The following EPHA6 variants were observed in gnomAD, a reference collection of about 807,000 sequenced individuals.
The protein encoded by EPHA6 is ephrin type-A receptor 6.
In EPHA6, 50 loss-of-function variants were observed where a neutral mutation model predicts 112.0. That is an observed-to-expected ratio of 0.45 (90% confidence interval 0.36 to 0.56). The LOEUF (loss-of-function observed/expected upper bound fraction) is 0.56. EPHA6 is among the 20% of genes least tolerant of loss of function. The probability of loss-of-function intolerance (pLI) is 0.00; values close to 1 mark genes in which losing one functional copy is unlikely to be tolerated. For synonymous variants in EPHA6, 529 were observed against 490.7 expected (o/e 1.08, Z -1.03); for missense variants, 1,280 against 1,417.4 (o/e 0.90, Z 1.56).
At chr3:97,085,584 T>C (rs2046867780) in intron 3 of EPHA6, among the ~76,000 whole-genome samples, 3 of 152,090 alleles carry the variant, frequency 2.0e-5, no homozygotes, top group Admixed American at 6.6e-5. Flanking sequence ...TATCCTAATA[T>C]AGTGCATTTC....
At chr3:96,893,901 A>G (rs1178546636) in intron 2 of EPHA6, among the ~76,000 whole-genome samples, 1 of 152,210 alleles carries the variant, frequency 6.6e-6, no homozygotes. Context: ...TGGTAAGTCT[A>G]TGAATGCTGA....
chr3:97,144,371 G>A (rs2075986968), intron 3 of EPHA6, among the ~76,000 whole-genome samples: 1 of 150,814 alleles, frequency 6.6e-6, no homozygotes, highest in South Asian at 2.1e-4. Context: ...GATCAATAGG[G>A]CTTATAACAA....
At chr3:97,522,146 A>T (rs1483669596) in intron 10 of EPHA6, among the ~76,000 whole-genome samples, 1 of 151,998 alleles carries the variant, frequency 6.6e-6, no homozygotes, top group Non-Finnish European at 1.5e-5. Flanking sequence ...TCCTTTCCTC[A>T]AGTGATCCTC....
chr3:97,315,059 A>T (rs1226534149), intron 5 of EPHA6, among the ~76,000 whole-genome samples: 1 of 150,714 alleles, frequency 6.6e-6, no homozygotes, highest in African/African-American at 2.5e-5. Context: ...ATCAGTATGG[A>T]TCAGCCTGGC....
chr3:97,333,045 G>T (rs1332877951), intron 5 of EPHA6, among the ~76,000 whole-genome samples: 1 of 151,740 alleles, frequency 6.6e-6, no homozygotes, highest in Non-Finnish European at 1.5e-5. Flanking sequence ...GCTTAAATTG[G>T]GGAAAATTAA....
chr3:97,324,527 T>TTCTTTCTCTCTTTCTC (rs1553746478), intron 5 of EPHA6, among the ~76,000 whole-genome samples: 2 of 142,026 alleles, frequency 1.4e-5, no homozygotes, highest in South Asian at 2.3e-4. Flanking sequence ...CTTTCTTTCT[T>TTCTTTCTCTCTTTCTC]TCTTTCTCTC....
intron 11 of EPHA6, among the ~76,000 whole-genome samples, chr3:97,562,548 G>A (rs2093206452): frequency 6.6e-6 from 1 of 152,172 alleles, no homozygotes; most frequent in Non-Finnish European, 1.5e-5. Flanking sequence ...TACTTCTATG[G>A]ATGAGCAAAG....
At chr3:97,547,450 C>T (rs1265917399) in intron 11 of EPHA6, among the ~76,000 whole-genome samples, 2 of 152,158 alleles carry the variant, frequency 1.3e-5, no homozygotes, top group African/African-American at 4.8e-5. Context: ...GAGTACCCGG[C>T]TGTGTGAGGT....
intron 3 of EPHA6, among the ~76,000 whole-genome samples, chr3:97,004,567 A>G (rs2107917143): frequency 6.6e-6 from 1 of 152,318 alleles, no homozygotes; most frequent in African/African-American, 2.4e-5. Flanking sequence ...TAAACTGCCA[A>G]AATTTTCTCC....
At chr3:97,355,704 G>A (rs1278633158) in intron 5 of EPHA6, among the ~76,000 whole-genome samples, 2 of 152,058 alleles carry the variant, frequency 1.3e-5, no homozygotes, top group East Asian at 1.9e-4. Context: ...GAAAGTTAAC[G>A]GATTAATCTC....
rs773321621 is a variant in EPHA6 at position 97,502,167 on chromosome 3, C to CTTT, written c.2200+18127_2200+18129dup. Among the ~76,000 whole-genome samples the CTTT allele has an allele frequency of 3.6e-3, 445 of 124,284 alleles. 13 individuals are homozygous for CTTT. The highest frequency in any genetic ancestry group is 0.014 in the African/African-American group (421 of 30,552). The allele number at this position is 124,284 out of a possible 152,430, so 81.5% of individuals were successfully genotyped here. On this transcript the variant is annotated intron_variant, in intron 10 of 17. Transcript: ENST00000389672. ...GAGCAAGATTTACAGTAACTACCTG[C>CTTT]TTTTTTTTTTTTTTTTTTTTTGACA...
intron 3 of EPHA6, among the ~76,000 whole-genome samples, chr3:97,053,622 C>T (rs2045756433): frequency 6.6e-6 from 1 of 152,070 alleles, no homozygotes; most frequent in African/African-American, 2.4e-5. Context: ...TAACCTCAGT[C>T]AGCCTTAATA....
Position 97,244,252 on chromosome 3 carries a change from C to A in EPHA6, c.1571C>A (p.Pro524Gln), listed in dbSNP as rs2078925154. ...TCTGAGTTGAGTTTTTCTCCCAAGCCATTCACAGCTATTACAGTGACCACG... is the reference window on the plus strand; with the variant it reads ...TCTGAGTTGAGTTTTTCTCCCAAGCAATTCACAGCTATTACAGTGACCACG... ...GVSELSFSPK[P>Q]FTAITVTTDQ... Residue 524 changes from proline (P) to glutamine (Q), a missense_variant, in exon 5 of 18, where the codon CCA (proline) becomes CAA (glutamine). Around this residue, in one of 4 missense-constraint regions of EPHA6, gnomAD observed 878 missense variants for 999.7 expected, o/e 0.88. Transcript: ENST00000389672. 6.2e-7 allele frequency: 1 copy of A among 1,613,094 alleles called. No homozygotes were observed. Among genetic ancestry groups the A allele is most frequent in the Non-Finnish European group, 8.5e-7 (1 of 1,179,428 alleles).
intron 5 of EPHA6, among the ~76,000 whole-genome samples, chr3:97,368,438 A>G (rs1321058908): frequency 2.1e-4 from 32 of 152,196 alleles, no homozygotes; most frequent in Non-Finnish European, 1.5e-5. Context: ...GCAAAAATAA[A>G]TATAGCATTT....
chr3:97,366,915 C>G (rs889183318), intron 5 of EPHA6, among the ~76,000 whole-genome samples: 6 of 152,194 alleles, frequency 3.9e-5, no homozygotes, highest in Admixed American at 1.3e-4. Context: ...TTACTAAGCA[C>G]TTACCACATG....
intron 1 of EPHA6, among the ~76,000 whole-genome samples, chr3:96,838,090 C>A (rs2034525274): frequency 6.6e-6 from 1 of 151,620 alleles, no homozygotes; most frequent in Non-Finnish European, 1.5e-5. Flanking sequence ...CTGCCCCCCA[C>A]CCAATGTGTC....
intron 11 of EPHA6, among the ~76,000 whole-genome samples, chr3:97,575,977 A>G (rs1159830855): frequency 6.6e-6 from 1 of 152,138 alleles, no homozygotes; most frequent in Non-Finnish European, 1.5e-5. Context: ...ACTCTGAGGA[A>G]GTGGTCTAAA....
chr3:97,742,593 G>C (rs1346299281), intron 16 of EPHA6, among the ~76,000 whole-genome samples: 1 of 151,984 alleles, frequency 6.6e-6, no homozygotes, highest in East Asian at 1.9e-4. Flanking sequence ...ACTGACAAAA[G>C]ATAATTAATG....
intron 14 of EPHA6, among the ~76,000 whole-genome samples, chr3:97,647,807 C>T (rs1280648760): frequency 1.3e-5 from 2 of 152,060 alleles, no homozygotes; most frequent in African/African-American, 4.8e-5. Flanking sequence ...AGGAGGGACT[C>T]TCTCATTTGA....
Sources: allele counts gnomAD v4.1 joint callset (sites outside exome capture counted in the v4.1 genomes callset), GRCh38; gene constraint gnomAD v4.1.1; regional missense constraint gnomAD v4.1.1; transcripts MANE v1.5; gene names NCBI Gene and HGNC (gene_info 2026-07-23, HGNC 2026-07-21).